The following HADH variants were observed in gnomAD, a reference collection of about 807,000 sequenced individuals.
HADH encodes the protein hydroxyacyl-coenzyme A dehydrogenase, mitochondrial.
Under a neutral mutation model 32.2 loss-of-function variants are expected in HADH, and 24 were observed. The observed-to-expected ratio is 0.75, with a 90% CI of 0.54 to 1.05. The LOEUF is 1.05. Ranked by LOEUF, HADH falls within the 50% of genes least tolerant of loss-of-function variation. The probability of loss-of-function intolerance (pLI) is 0.00; values close to 1 mark genes in which losing one functional copy is unlikely to be tolerated. For synonymous variants in HADH, 139 were observed against 152.5 expected (o/e 0.91, Z 0.65); for missense variants, 350 against 397.1 (o/e 0.88, Z 1.01).
At chr4:107,997,075 C>T (rs1734978684) in intron 1 of HADH, among the ~76,000 whole-genome samples, 1 of 151,802 alleles carries the variant, frequency 6.6e-6, no homozygotes, top group African/African-American at 2.4e-5. Context: ...AGAGATGCAA[C>T]TGATGTATGA....
chr4:108,014,552 A>G lies in HADH; in HGVS notation c.383A>G (p.Asn128Ser), dbSNP rs764544342. 6.2e-7 allele frequency: 1 copy of G among 1,613,550 alleles called. No homozygotes were observed. Among genetic ancestry groups the G allele is most frequent in the East Asian group, 2.2e-5 (1 of 44,862 alleles). The change falls in exon 3 of 8, where the codon AAC (asparagine) becomes AGC (serine). Residue 128 changes from asparagine to serine, a missense_variant. By Grantham distance (46) the Asn-to-Ser change is conservative. Transcript: ENST00000309522. ...EAIVENLKVKNELFKRLDKFA... is the reference protein window; with the variant it reads ...EAIVENLKVKSELFKRLDKFA... ...ATCGTGGAGAATCTGAAGGTGAAAA[A>G]CGAGCTCTTCAAAAGGCTGGACAAG...
intron 1 of HADH, among the ~76,000 whole-genome samples, chr4:107,991,102 G>A (rs561586485): frequency 6.6e-6 from 1 of 151,880 alleles, no homozygotes; most frequent in East Asian, 1.9e-4. Flanking sequence ...CTGAGCTGTG[G>A]TTCAGGCTCA....
At chr4:108,008,289 G>A (rs1445033565) in intron 1 of HADH, among the ~76,000 whole-genome samples, 2 of 152,130 alleles carry the variant, frequency 1.3e-5, no homozygotes, top group Admixed American at 6.5e-5. Flanking sequence ...CCCAGTCCTG[G>A]TTGTCAGACT....
At chr4:107,990,183 G>A (rs1054850768) in intron 1 of HADH, 119 bp downstream of exon 1, 3 of 1,036,766 alleles carry the variant, frequency 2.9e-6, no homozygotes, top group African/African-American at 3.2e-5. Flanking sequence ...TTTTCACCCC[G>A]CGCCTCCCGG....
chr4:108,032,594 T>A (rs543704327), intron 6 of HADH: 1 of 465,388 alleles, frequency 2.1e-6, no homozygotes, highest in Admixed American at 3.2e-5. Context: ...AAAATCCCAA[T>A]GTATTTGAAA....
At chr4:108,010,833 G>A (rs1048561986) in intron 2 of HADH, among the ~76,000 whole-genome samples, 10 of 149,826 alleles carry the variant, frequency 6.7e-5, no homozygotes, top group Non-Finnish European at 8.9e-5. Flanking sequence ...GTTGTAACAT[G>A]TGTCACAACT....
chr4:108,020,337 G>A (rs1265035168), intron 4 of HADH, among the ~76,000 whole-genome samples: 1 of 152,158 alleles, frequency 6.6e-6, no homozygotes, highest in African/African-American at 2.4e-5. Flanking sequence ...AGGGGTTTTG[G>A]TGCACGCATG....
chr4:108,007,625 GA>G (rs1560727249), intron 1 of HADH, among the ~76,000 whole-genome samples: 1 of 152,210 alleles, frequency 6.6e-6, no homozygotes, highest in African/African-American at 2.4e-5. Flanking sequence ...TGGTCCAAAT[GA>G]GAGAAAGGAA....
At chr4:108,032,468 C>A in intron 6 of HADH, 1 of 711,126 alleles carries the variant, frequency 1.4e-6, no homozygotes, top group Non-Finnish European at 2.6e-6. Context: ...AGAATACATA[C>A]AATAACTATA....
chr4:107,990,157 G>T, intron 1 of HADH, 93 bp downstream of exon 1: 2 of 1,327,348 alleles, frequency 1.5e-6, no homozygotes, highest in Admixed American at 2.2e-5. Context: ...GCCTGCACCC[G>T]CCCGACACCA....
intron 1 of HADH, among the ~76,000 whole-genome samples, chr4:108,009,147 T>C (rs1208608784): frequency 1.3e-5 from 2 of 152,220 alleles, no homozygotes; most frequent in South Asian, 2.1e-4. Context: ...AGGAGTCTTT[T>C]TGCCACCATT....
At chr4:107,990,169 G>T in intron 1 of HADH, 105 bp downstream of exon 1, 7 of 1,246,560 alleles carry the variant, frequency 5.6e-6, no homozygotes, top group Non-Finnish European at 7.7e-6. Context: ...CCGACACCAG[G>T]GAGTTTTCAC....
At chr4:108,026,443 C>T (rs1736073111) in intron 5 of HADH, 1 of 152,156 alleles carries the variant, frequency 6.6e-6, no homozygotes, top group South Asian at 2.1e-4. Flanking sequence ...TTCTCAGGTA[C>T]CCTATCTTGA....
chr4:108,006,440 A>G (rs115899776), intron 1 of HADH, among the ~76,000 whole-genome samples: 1 of 152,266 alleles, frequency 6.6e-6, no homozygotes, highest in Non-Finnish European at 1.5e-5. Context: ...AGGAATTAGA[A>G]TATCTGTAGG....
intron 2 of HADH, 98 bp downstream of exon 2, chr4:108,009,985 T>C: frequency 1.1e-6 from 1 of 911,690 alleles, no homozygotes; most frequent in Non-Finnish European, 1.7e-6. Flanking sequence ...TTCTTTTTTT[T>C]TTTTTTTTTC....
chr4:107,993,237 G>C (rs1734864745), intron 1 of HADH, among the ~76,000 whole-genome samples: 1 of 152,222 alleles, frequency 6.6e-6, no homozygotes, highest in Non-Finnish European at 1.5e-5. Flanking sequence ...GTAAGGTTTA[G>C]ATGGAGAATA....
rs972897276 is a variant in HADH, at chr4:108,034,256, G to T, written c.844G>T (p.Ala282Ser). The change falls in exon 8 of 8, where the codon GCA becomes TCA. Residue 282 changes from alanine to serine, a missense_variant. Physicochemically the swap from Ala to Ser is moderately conservative, Grantham distance 99 (BLOSUM62 1). Coordinates refer to ENST00000309522, the MANE Select transcript of HADH (RefSeq NM_005327.7). ...FIVDGWHEMD[A>S]ENPLHQPSPS... ...CTCAATAGGGTGGCATGAAATGGAT[G>T]CAGAGAACCCATTACATCAGCCCAG... is the stretch of plus-strand genomic sequence containing the variant. 1.9e-6 allele frequency: 3 copies of T among 1,607,784 alleles called. No individual in the cohort carries two copies. The highest frequency in any genetic ancestry group is 2.7e-5 in the African/African-American group (2 of 74,810).
chr4:108,002,662 A>C (rs1172630249), intron 1 of HADH, among the ~76,000 whole-genome samples: 2 of 152,200 alleles, frequency 1.3e-5, no homozygotes, highest in East Asian at 3.8e-4. Context: ...GTGCCAAAAA[A>C]GGTTGGGGAC....
chr4:107,997,402 A>C (rs1219599120), intron 1 of HADH, among the ~76,000 whole-genome samples: 1 of 152,176 alleles, frequency 6.6e-6, no homozygotes, highest in Non-Finnish European at 1.5e-5. Context: ...CTCACCACTC[A>C]AGTTGTGCTT....
Sources: allele counts gnomAD v4.1 joint callset (sites outside exome capture counted in the v4.1 genomes callset), GRCh38; gene constraint gnomAD v4.1.1; transcripts MANE v1.5; gene names NCBI Gene and HGNC (gene_info 2026-07-23, HGNC 2026-07-21).